Variants in ADGRL1 observed in about 807,000 individuals in gnomAD.
The protein encoded by ADGRL1 is CIRL-1.
In ADGRL1, 31 loss-of-function variants were observed where a neutral mutation model predicts 148.9. The ratio of observed to expected loss-of-function variants is 0.21; its 90% CI spans 0.16 to 0.28. The LOEUF is 0.28. Ranked by LOEUF, ADGRL1 falls within the 10% of genes least tolerant of loss-of-function variation. The probability of loss-of-function intolerance (pLI) is 1.00; values close to 1 mark genes in which losing one functional copy is unlikely to be tolerated. For synonymous variants in ADGRL1, 937 were observed against 900.3 expected (o/e 1.04, Z -0.73); for missense variants, 1,521 against 2,058.8 (o/e 0.74, Z 5.05).
rs1388210116 is a variant in ADGRL1 at position 14,159,960 on chromosome 19, G to A, written c.1800+152C>T. On this transcript the variant is annotated intron_variant, in intron 8 of 22. Transcript: ENST00000361434. This position sits in a 1 kb window ranked among gnomAD's most constrained non-coding sequence, Gnocchi z 6.0. ...CCGGGGCAGCACAGGAGTGAGACCC[G>A]GCAGTCCTTGGCGGAGAGGGGGGGG... 1.4e-5 allele frequency: 14 copies of A among 980,196 alleles called. No individual in the cohort carries two copies. The highest frequency in any genetic ancestry group is 6.4e-5 in the South Asian group (4 of 62,782). The allele number at this position is 980,196 out of a possible 1,614,324, so 60.7% of individuals were successfully genotyped here. A position where few individuals can be genotyped will look rare whatever the true frequency, so the allele number is the denominator to read the frequency against.
chr19:14,152,884 C>T lies in ADGRL1; in HGVS notation c.3323G>A (p.Arg1108His), dbSNP rs374429313. 23 of 1,613,984 alleles carry T rather than the reference C, an allele frequency of 1.4e-5. No individual in the cohort carries two copies. The highest frequency in any genetic ancestry group is 9.3e-5 in the African/African-American group (7 of 74,884). Residue 1108 changes from arginine to histidine, a missense_variant, in exon 19 of 23, where the codon CGT becomes CAT. Arg to His is a conservative substitution (Grantham distance 29). Transcript: ENST00000361434. The surrounding 1 kb of genome is among the most constrained non-coding windows in gnomAD (Gnocchi z 6.1). Reference protein sequence around the residue: ...KVHKEYSKCLRHSYCCIRSPP... With the variant: ...KVHKEYSKCLHHSYCCIRSPP... ...GGAGCGGATGCAGCAGTAGGAGTGA[C>T]GCAGGCACTTGCTGTACTCCTTGTG... is the stretch of plus-strand genomic sequence containing the variant.
chr19:14,166,949 C>A, intron 4 of ADGRL1: 1 of 1,529,304 alleles, frequency 6.5e-7, no homozygotes, highest in South Asian at 1.1e-5. Context: ...GAGGGCAGGT[C>A]ACATAAGTAT....
chr19:14,190,903 C>G, intron 1 of ADGRL1: 1 of 361,580 alleles, frequency 2.8e-6, no homozygotes, highest in Non-Finnish European at 5.5e-6. Context: ...GCCTGGCCAA[C>G]ATGGTGAAAC....
chr19:14,186,240 C>CA lies in ADGRL1; in HGVS notation c.-95-2544dup, dbSNP rs1971566148. On this transcript the variant is annotated intron_variant, in intron 1 of 22. Transcript: ENST00000361434. Reference sequence around the variant, plus strand: ...CATCCAGCTAATTTATTTTATTTTGCAAAGATGAGGTCTTGCTATGTTGCC... The same window carrying CA: ...CATCCAGCTAATTTATTTTATTTTGCAAAAGATGAGGTCTTGCTATGTTGCC... Among the ~76,000 whole-genome samples, 4 of 152,042 alleles carry CA rather than the reference C, an allele frequency of 2.6e-5. No individual in the cohort carries two copies. The South Asian group carries it at 8.3e-4, about 32-fold the overall frequency.
chr19:14,189,093 A>G (rs1293509829), intron 1 of ADGRL1, among the ~76,000 whole-genome samples: 1 of 152,012 alleles, frequency 6.6e-6, no homozygotes, highest in Non-Finnish European at 1.5e-5. Context: ...CTCCGTACCC[A>G]CTAAACAATA....
intron 12 of ADGRL1, 77 bp downstream of exon 12, chr19:14,158,261 T>C (rs1968970758): frequency 4.8e-6 from 7 of 1,449,898 alleles, no homozygotes; most frequent in Admixed American, 1.7e-5. Flanking sequence ...GGTGAGCACA[T>C]GGAGGGGCAG....
intron 1 of ADGRL1, among the ~76,000 whole-genome samples, chr19:14,189,245 G>T (rs1599500975): frequency 1.3e-5 from 2 of 149,418 alleles, no homozygotes; most frequent in Admixed American, 1.3e-4. Flanking sequence ...AGTTAGATGG[G>T]GGTCTCACTC....
chr19:14,189,686 C>T (rs1599501881), intron 1 of ADGRL1, among the ~76,000 whole-genome samples: 1 of 152,154 alleles, frequency 6.6e-6, no homozygotes, highest in Non-Finnish European at 1.5e-5. Flanking sequence ...AATGGACATG[C>T]GGGCTGTTGC....
chr19:14,199,058 T>G (rs1005996212), intron 1 of ADGRL1, among the ~76,000 whole-genome samples: 4 of 152,162 alleles, frequency 2.6e-5, no homozygotes, highest in Admixed American at 6.5e-5. Context: ...AGGGGCAGGG[T>G]AAGACCAGGA....
intron 16 of ADGRL1, 104 bp from the exon 17 acceptor site, chr19:14,156,305 G>T: frequency 1.1e-6 from 1 of 912,488 alleles, no homozygotes; most frequent in Non-Finnish European, 1.8e-6. Flanking sequence ...TGTGGCCCTC[G>T]CCTCTGCTGG....
At chr19:14,151,746 C>T (rs950371564) in intron 22 of ADGRL1, 131 bp from the exon 23 acceptor site, 2 of 860,722 alleles carry the variant, frequency 2.3e-6, no homozygotes, top group South Asian at 1.7e-5. Flanking sequence ...CCCCCTGCCC[C>T]CTGGATCTCT....
At chr19:14,173,225 T>C (rs1199754130) in intron 3 of ADGRL1, among the ~76,000 whole-genome samples, 2 of 152,168 alleles carry the variant, frequency 1.3e-5, no homozygotes, top group East Asian at 1.9e-4. Context: ...CCTCCCAAAG[T>C]GCTGGGATTA....
chr19:14,177,765 G>A, intron 2 of ADGRL1, 21 bp from the exon 3 acceptor site: 3 of 1,599,880 alleles, frequency 1.9e-6, no homozygotes, highest in Non-Finnish European at 1.7e-6. Context: ...GGTTGGGGAT[G>A]GTGTCACTCC....
At chr19:14,188,740 G>A (rs1037750887) in intron 1 of ADGRL1, among the ~76,000 whole-genome samples, 10 of 152,154 alleles carry the variant, frequency 6.6e-5, no homozygotes, top group Admixed American at 3.3e-4. Context: ...TGCCTCCGAC[G>A]TCCAGGCTCT....
At chr19:14,167,855 G>A (rs1028959683) in intron 4 of ADGRL1, among the ~76,000 whole-genome samples, 1 of 152,116 alleles carries the variant, frequency 6.6e-6, no homozygotes, top group Non-Finnish European at 1.5e-5. Flanking sequence ...CTGAGGCTCG[G>A]CTTCTCTGCT....
chr19:14,205,389 G>C (rs1972921885), intron 1 of ADGRL1, among the ~76,000 whole-genome samples: 1 of 151,870 alleles, frequency 6.6e-6, no homozygotes, highest in Non-Finnish European at 1.5e-5. Context: ...GCGCCCCCCG[G>C]ACTGCGGCCG....
At position 14,152,692 on chromosome 19, in the gene ADGRL1, A is replaced by C; in HGVS notation, c.3424-79T>G. 1 of 1,591,768 alleles carries C rather than the reference A, an allele frequency of 6.3e-7. No individual in the cohort carries two copies. The highest frequency in any genetic ancestry group is 8.6e-7 in the Non-Finnish European group (1 of 1,161,214). Reference sequence around the variant, plus strand: ...TCTTTCTGAGACTGCTCACCTGATCATCACGATCAGAAACCTAGGCCAAGC... The same window carrying C: ...TCTTTCTGAGACTGCTCACCTGATCCTCACGATCAGAAACCTAGGCCAAGC... On this transcript the variant is annotated intron_variant, in intron 19 of 22. Coordinates refer to ENST00000361434, the MANE Select transcript of ADGRL1 (RefSeq NM_014921.5). This position sits in a 1 kb window ranked among gnomAD's most constrained non-coding sequence, Gnocchi z 6.1.
chr19:14,173,775 C>T (rs1052836600), intron 3 of ADGRL1, among the ~76,000 whole-genome samples: 13 of 151,654 alleles, frequency 8.6e-5, no homozygotes, highest in Non-Finnish European at 1.5e-5. Context: ...GGTGAAACGT[C>T]GTCTTTACTA....
chr19:14,176,035 C>CA (rs1226972654), intron 3 of ADGRL1, among the ~76,000 whole-genome samples: 1 of 150,402 alleles, frequency 6.6e-6, no homozygotes, highest in Non-Finnish European at 1.5e-5. Context: ...GCCTGGGCGA[C>CA]AGAGCAAGAT....
Sources: gnomAD v4.1 joint callset for allele counts (sites outside exome capture counted in the v4.1 genomes callset) on GRCh38, gnomAD v4.1.1 for gene constraint, Gnocchi (gnomAD v3.1) non-coding constraint, MANE v1.5 for transcripts, NCBI Gene and HGNC (gene_info 2026-07-23, HGNC 2026-07-21) for gene names.